Variants in RPL26L1 observed in about 807,000 individuals in gnomAD.
RPL26L1 encodes the protein ribosomal protein L26 like 1.
In RPL26L1, 8 loss-of-function variants were observed where a neutral mutation model predicts 15.2. That is an observed-to-expected ratio of 0.53 (90% CI 0.31 to 0.95). The LOEUF (loss-of-function observed/expected upper bound fraction) is 0.95. Ranked by LOEUF, RPL26L1 falls within the 40% of genes least tolerant of loss-of-function variation. The pLI, the probability that RPL26L1 is intolerant of heterozygous loss-of-function variation, is 0.05. For missense variants in RPL26L1, 146 were observed against 190.9 expected (o/e 0.76, Z 1.39); for synonymous variants, 51 against 65.9 (o/e 0.77, Z 1.09).
At position 172,967,467 on chromosome 5, in the gene RPL26L1, A is replaced by AAAATAAATAAAT. The variant is rs568434838; in HGVS notation, c.169-981_169-970dup. ...GGGAACAGAGCGAGACTCCGTGTCA[A>AAAATAAATAAAT]AAATAAATAAATAAATAAATAAGCT... On this transcript the variant is annotated intron_variant, in intron 2 of 3. Coordinates refer to ENST00000265100, the MANE Select transcript of RPL26L1 (RefSeq NM_016093.4). 5.3e-3 allele frequency among the ~76,000 whole-genome samples: 808 copies of AAAATAAATAAAT among 152,068 alleles called. 15 individuals carry two copies. The highest frequency in any genetic ancestry group is 0.037 in the South Asian group (179 of 4,812).
intron 2 of RPL26L1, among the ~76,000 whole-genome samples, chr5:172,963,942 G>A (rs939157974): frequency 8.5e-5 from 13 of 152,092 alleles, no homozygotes; most frequent in Non-Finnish European, 1.8e-4. Flanking sequence ...CATGAAACCA[G>A]AGAGTTCATC....
intron 1 of RPL26L1, 21 bp from the exon 2 acceptor site, chr5:172,959,844 G>A (rs1389560262): frequency 5.0e-6 from 8 of 1,613,256 alleles, no homozygotes; most frequent in Non-Finnish European, 6.8e-6. Flanking sequence ...CCTTCATTCC[G>A]TCTCTCTCCG....
At chr5:172,956,962 C>G (rs773479296), upstream of RPL26L1, 15 of 251,472 alleles carry the variant, frequency 6.0e-5, no homozygotes, top group Non-Finnish European at 1.2e-4. Flanking sequence ...ATCCTGACAC[C>G]AAACCAATGA....
At chr5:172,959,493 G>C (rs1441445709) in intron 1 of RPL26L1, 25 bp downstream of exon 1, 25 of 1,028,436 alleles carry the variant, frequency 2.4e-5, no homozygotes, top group South Asian at 3.5e-5. Flanking sequence ...GAGTTTTCTC[G>C]GACAGTGAAC....
chr5:172,968,877 G>A (rs186063616), intron 3 of RPL26L1, among the ~76,000 whole-genome samples: 11 of 126,802 alleles, frequency 8.7e-5, no homozygotes, highest in East Asian at 2.5e-4. Flanking sequence ...GTGCGATCTC[G>A]GCTCACTGCA....
upstream of RPL26L1, chr5:172,958,606 TCTCCCTCACAG>T (rs1421676959): frequency 5.8e-6 from 2 of 347,242 alleles, no homozygotes; most frequent in African/African-American, 4.2e-5. Flanking sequence ...GCGTGGTTGA[TCTCCCTCACAG>T]CTCCGTCGGG....
At chr5:172,963,857 G>A (rs1755343000) in intron 2 of RPL26L1, among the ~76,000 whole-genome samples, 1 of 152,154 alleles carries the variant, frequency 6.6e-6, no homozygotes, top group Non-Finnish European at 1.5e-5. Flanking sequence ...AAGTTCCTAT[G>A]TGACTTATTC....
At chr5:172,956,959 CACCAA>C (rs1754994588), upstream of RPL26L1, 1 of 249,998 alleles carries the variant, frequency 4.0e-6, no homozygotes, top group South Asian at 3.8e-5. Context: ...AAAATCCTGA[CACCAA>C]ACCAATGAGG....
At chr5:172,962,719 G>A (rs1393864982) in intron 2 of RPL26L1, among the ~76,000 whole-genome samples, 1 of 141,380 alleles carries the variant, frequency 7.1e-6, no homozygotes. Context: ...GGGAGGCTGA[G>A]GCAGGAGAAT....
At chr5:172,966,313 ATTTTTTTTTTTTTTTTT>A (rs386405707) in intron 2 of RPL26L1, among the ~76,000 whole-genome samples, 2 of 63,664 alleles carry the variant, frequency 3.1e-5, no homozygotes, top group Non-Finnish European at 5.4e-5. Context: ...CTGGCTAACT[ATTTTTTTTTTTTTTTTT>A]TTTTTTTTTT....
chr5:172,957,256 C>A (rs1755006634), upstream of RPL26L1: 1 of 456,162 alleles, frequency 2.2e-6, no homozygotes, highest in South Asian at 1.5e-5. Flanking sequence ...GAATGACAGC[C>A]TCCAGCTCTT....
Position 172,969,604 on chromosome 5 carries a change from G to A in RPL26L1, c.*63G>A, listed in dbSNP as rs968524120. The A allele has an allele frequency of 4.0e-6, 6 of 1,495,856 alleles. No individual in the cohort carries two copies. The South Asian group carries it at 4.9e-5, about 12-fold the overall frequency. The allele number at this position is 1,495,856 out of a possible 1,614,324, so 92.7% of individuals were successfully genotyped here. A position where few individuals can be genotyped will look rare whatever the true frequency, so the allele number is the denominator to read the frequency against. On this transcript the variant is annotated 3_prime_UTR_variant, in exon 4 of 4. Coordinates refer to ENST00000265100, the MANE Select transcript of RPL26L1 (RefSeq NM_016093.4). ...TTTGAGGCTAGGGTGTGTTTCTTTC[G>A]AACTTTTCGGAATGTCTGGAACATT...
chr5:172,954,580 A>G (rs1347801297), upstream of RPL26L1, among the ~76,000 whole-genome samples: 2 of 151,916 alleles, frequency 1.3e-5, no homozygotes, highest in African/African-American at 4.8e-5. Context: ...GTCTCAAAAA[A>G]GAGAGAAAGA....
intron 2 of RPL26L1, among the ~76,000 whole-genome samples, chr5:172,964,783 G>T (rs892582211): frequency 3.3e-5 from 5 of 152,210 alleles, no homozygotes; most frequent in Non-Finnish European, 7.3e-5. Context: ...ACTTTACAGA[G>T]AAAATTGAAG....
Position 172,960,053 on chromosome 5 carries a change from T to C in RPL26L1, c.168+12T>C. Reference sequence around the variant, plus strand: ...ACGACGAGGTCCAGGTACGTCTCCCTCCGGCGCTAGTGGCGCTCGGACACC... The same window carrying C: ...ACGACGAGGTCCAGGTACGTCTCCCCCCGGCGCTAGTGGCGCTCGGACACC... On this transcript the variant is annotated intron_variant, in intron 2 of 3. Transcript: ENST00000265100. 3 of 1,613,868 alleles carry C rather than the reference T, an allele frequency of 1.9e-6. No homozygotes were observed. The highest frequency in any genetic ancestry group is 2.5e-6 in the Non-Finnish European group (3 of 1,179,922).
At chr5:172,964,264 A>G (rs1270307113) in intron 2 of RPL26L1, among the ~76,000 whole-genome samples, 3 of 126,580 alleles carry the variant, frequency 2.4e-5, no homozygotes, top group Non-Finnish European at 5.0e-5. Flanking sequence ...CATGAGCCAC[A>G]GTGTCTGGCC....
At chr5:172,961,599 C>T (rs928983724) in intron 2 of RPL26L1, among the ~76,000 whole-genome samples, 12 of 152,200 alleles carry the variant, frequency 7.9e-5, no homozygotes, top group Non-Finnish European at 1.5e-4. Context: ...GGATTCTCTT[C>T]AGTCTATTCC....
upstream of RPL26L1, chr5:172,958,820 G>C (rs1026600786): frequency 9.8e-6 from 1 of 101,840 alleles, no homozygotes; most frequent in African/African-American, 2.8e-5. Flanking sequence ...GGAGCGGCCG[G>C]AGTGGGCGGG....
chr5:172,960,996 C>T (rs1178918060), intron 2 of RPL26L1, among the ~76,000 whole-genome samples: 2 of 152,034 alleles, frequency 1.3e-5, no homozygotes, highest in Non-Finnish European at 2.9e-5. Flanking sequence ...AGTGGCACTC[C>T]CTCCCTTCAC....
Sources: allele counts gnomAD v4.1 joint callset (sites outside exome capture counted in the v4.1 genomes callset), GRCh38; gene constraint gnomAD v4.1.1; transcripts MANE v1.5; gene names NCBI Gene and HGNC (gene_info 2026-07-23, HGNC 2026-07-21).